DYNC1I2: variants seen among roughly 807,000 people sequenced by gnomAD.
The protein encoded by DYNC1I2 is cytoplasmic dynein 1 intermediate chain 2.
A neutral mutation model predicts 88.6 loss-of-function variants in DYNC1I2; 53 were observed. The observed-to-expected ratio is 0.60, with a 90% CI of 0.48 to 0.75. DYNC1I2 has a LOEUF of 0.75. Among genes scored for constraint, DYNC1I2 ranks in the 30% least tolerant of loss-of-function variants. The probability of loss-of-function intolerance (pLI) is 0.00; values close to 1 mark genes in which losing one functional copy is unlikely to be tolerated. For synonymous variants in DYNC1I2, 198 were observed against 254.6 expected, an observed-to-expected ratio of 0.78 and a Z score of 2.12; for missense variants, 458 against 766.6, an observed-to-expected ratio of 0.60 and a Z score of 4.75.
rs749994998 is a variant in DYNC1I2 at position 171,701,228 on chromosome 2, C to T, written c.227-5319C>T. ...GGAGACGGAGTCTTGCTCTCTCTCCCGGGCTGGAGTGCAGTGGCACGATCT... is the reference window on the plus strand; with the variant it reads ...GGAGACGGAGTCTTGCTCTCTCTCCTGGGCTGGAGTGCAGTGGCACGATCT... On this transcript the variant is annotated intron_variant, in intron 3 of 17. Coordinates refer to ENST00000397119, the MANE Select transcript of DYNC1I2 (RefSeq NM_001378.3). 1.8e-4 allele frequency among the ~76,000 whole-genome samples: 27 copies of T among 152,262 alleles called. No homozygotes were observed. The South Asian group carries it at 2.7e-3, about 15-fold the overall frequency.
intron 7 of DYNC1I2, among the ~76,000 whole-genome samples, chr2:171,721,881 A>G (rs1190306593): frequency 1.3e-5 from 2 of 152,208 alleles, no homozygotes; most frequent in Admixed American, 1.3e-4. Context: ...TTGAGATTTA[A>G]TCATTAAAAG....
intron 2 of DYNC1I2, among the ~76,000 whole-genome samples, 191 bp from the exon 3 acceptor site, chr2:171,692,586 A>G (rs1336914395): frequency 6.6e-6 from 1 of 152,170 alleles, no homozygotes; most frequent in Admixed American, 6.5e-5. Context: ...AGTACATATC[A>G]TTTGAAGGTT....
Position 171,719,260 on chromosome 2 carries a change from T to C in DYNC1I2, c.511+3817T>C, listed in dbSNP as rs568140837. 5.9e-5 allele frequency among the ~76,000 whole-genome samples: 9 copies of C among 152,240 alleles called. No homozygotes were observed. The South Asian group carries it at 1.5e-3, about 25-fold the overall frequency. On this transcript the variant is annotated intron_variant, in intron 7 of 17. Coordinates refer to ENST00000397119, the MANE Select transcript of DYNC1I2 (RefSeq NM_001378.3). Reference sequence around the variant, plus strand: ...AATGAGATATTTGGGCAGTATCCTTTGGGGGAAAAAATGAGATAATTTGTT... The same window carrying C: ...AATGAGATATTTGGGCAGTATCCTTCGGGGGAAAAAATGAGATAATTTGTT...
chr2:171,744,180 T>C lies in DYNC1I2; in HGVS notation c.1668T>C (p.Asn556=), dbSNP rs1443214286. ...MGRLDLWNLN[N]DTEVPTASIS... ...GATTGGATTTGTGGAATCTCAATAA[T>C]GACACAGAGGTGAGCAGGAAAATAA... is the stretch of plus-strand genomic sequence containing the variant. Residue 556 remains asparagine (N), a synonymous_variant, in exon 16 of 18, where the codon AAT becomes AAC. Transcript: ENST00000397119. The C allele has an allele frequency of 6.2e-7, 1 of 1,607,812 alleles. No individual in the cohort carries two copies. Among genetic ancestry groups the C allele is most frequent in the East Asian group, 2.2e-5 (1 of 44,700 alleles).
chr2:171,700,044 G>C (rs566409677), intron 3 of DYNC1I2, among the ~76,000 whole-genome samples: 1 of 152,208 alleles, frequency 6.6e-6, no homozygotes, highest in African/African-American at 2.4e-5. Flanking sequence ...GCTTAGCTAG[G>C]TGGTTCTGGC....
In DYNC1I2 at chr2:171,748,281, C is replaced by G. The variant is rs1418720681; in HGVS notation, c.*392C>G. 1 of 156,070 alleles carries G rather than the reference C, an allele frequency of 6.4e-6. No individual in the cohort carries two copies. Among genetic ancestry groups the G allele is most frequent in the Non-Finnish European group, 1.4e-5 (1 of 71,378 alleles). The allele number at this position is 156,070 out of a possible 1,614,324, so 9.7% of individuals were successfully genotyped here. On this transcript the variant is annotated 3_prime_UTR_variant, in exon 18 of 18. Transcript: ENST00000397119. ...TTATACAGATAATGTTCTCACTACC[C>G]ATAATATGTAGGAACATTGTTTCTC...
At chr2:171,739,177 A>G (rs991896408) in intron 15 of DYNC1I2, among the ~76,000 whole-genome samples, 2 of 151,932 alleles carry the variant, frequency 1.3e-5, no homozygotes, top group Non-Finnish European at 2.9e-5. Flanking sequence ...GGAGAGTGAC[A>G]GATAGTGATT....
intron 7 of DYNC1I2, among the ~76,000 whole-genome samples, chr2:171,718,881 A>G (rs1327525217): frequency 6.7e-6 from 1 of 149,052 alleles, no homozygotes; most frequent in Non-Finnish European, 1.5e-5. Context: ...GTTTACACAC[A>G]AAGAAGCTGA....
chr2:171,690,204 C>T lies in DYNC1I2; in HGVS notation c.49C>T (p.Arg17Ter), dbSNP rs540814246. The part of the protein sequence containing the change: ...LKAELERKKQ[R>*]LAQIREEKKR... ...GGCTGAGTTGGAACGTAAGAAGCAG[C>T]GACTGGCCCAAATCAGAGAGGAAAA... is the stretch of plus-strand genomic sequence containing the variant. The change falls in exon 2 of 18, where the codon CGA becomes TGA. Residue 17 changes from arginine (R) to a stop codon, truncating the protein, a stop_gained. Coordinates refer to ENST00000397119, the MANE Select transcript of DYNC1I2 (RefSeq NM_001378.3). LOFTEE classifies it high-confidence loss of function. The T allele has an allele frequency of 4.5e-6, 7 of 1,549,688 alleles. No individual in the cohort carries two copies. Among genetic ancestry groups the T allele is most frequent in the Non-Finnish European group, 1.7e-6 (2 of 1,147,110 alleles).
chr2:171,706,565 G>A lies in DYNC1I2; in HGVS notation c.244+1G>A, dbSNP rs374523071. On this transcript the variant is annotated splice_donor_variant, in intron 4 of 17. Transcript: ENST00000397119. LOFTEE classifies it high-confidence loss of function. ...ACTTCAGTTTTTTCTGAATACTGGG[G>A]TAAGGAAGTTCCCATAAGTCTTGCC... 9 of 1,611,828 alleles carry A rather than the reference G, an allele frequency of 5.6e-6. No individual in the cohort carries two copies. In the African/African-American group the frequency reaches 6.7e-5, roughly 12 times the overall value.
intron 5 of DYNC1I2, among the ~76,000 whole-genome samples, chr2:171,712,039 G>A (rs1317970813): frequency 6.6e-6 from 1 of 152,176 alleles, no homozygotes; most frequent in Non-Finnish European, 1.5e-5. Flanking sequence ...GCCAGCAGGC[G>A]ATGCTAAAAC....
At chr2:171,707,254 T>G in intron 4 of DYNC1I2, 33 bp from the exon 5 acceptor site, 1 of 1,613,734 alleles carries the variant, frequency 6.2e-7, no homozygotes, top group East Asian at 2.2e-5. Flanking sequence ...CTCCGTGTAG[T>G]AACAGCGGAT....
intron 15 of DYNC1I2, among the ~76,000 whole-genome samples, chr2:171,737,687 T>C (rs12692970): frequency 0.29 from 44,136 of 152,106 alleles, 6,698 homozygotes; most frequent in African/African-American, 0.38. Flanking sequence ...CCAAAGTGGT[T>C]GGGTTATAGT....
At chr2:171,740,853 G>A (rs1168740836) in intron 15 of DYNC1I2, among the ~76,000 whole-genome samples, 1 of 151,962 alleles carries the variant, frequency 6.6e-6, no homozygotes, top group East Asian at 1.9e-4. Context: ...CAATTCAGTG[G>A]TTCTTAGTAT....
At chr2:171,725,576 CTGTTTTTT>C (rs777928210) in intron 7 of DYNC1I2, 34 bp from the exon 8 acceptor site, 136 of 1,175,764 alleles carry the variant, frequency 1.2e-4, no homozygotes, top group South Asian at 2.0e-4. Flanking sequence ...TTATATCATT[CTGTTTTTT>C]TGTTTTTTTG....
chr2:171,719,852 A>T, intron 7 of DYNC1I2, among the ~76,000 whole-genome samples: 1 of 152,200 alleles, frequency 6.6e-6, no homozygotes, highest in East Asian at 1.9e-4. Context: ...TGTGAATGAA[A>T]TTGACTAGCA....
chr2:171,749,598 CATAAT>C lies in DYNC1I2; in HGVS notation c.*1710_*1714del, dbSNP rs1435444467. 6.6e-6 allele frequency among the ~76,000 whole-genome samples: 1 copy of C among 152,068 alleles called. No individual in the cohort carries two copies. Among genetic ancestry groups the C allele is most frequent in the Non-Finnish European group, 1.5e-5 (1 of 67,968 alleles). On this transcript the variant is annotated 3_prime_UTR_variant, in exon 18 of 18. Transcript: ENST00000397119. ...AAAGTAGGGAAAACAAGTGTTAAAACATAATGGATAAGAAAAGGTTGGAAATCATA... is the reference window on the plus strand; with the variant it reads ...AAAGTAGGGAAAACAAGTGTTAAAACGGATAAGAAAAGGTTGGAAATCATA...
At chr2:171,734,483 A>C (rs775914569) in intron 15 of DYNC1I2, among the ~76,000 whole-genome samples, 3 of 152,186 alleles carry the variant, frequency 2.0e-5, no homozygotes, top group Non-Finnish European at 4.4e-5. Context: ...TAGGCTAGGC[A>C]TTGCTTCCTT....
At chr2:171,701,890 C>T (rs1686290134) in intron 3 of DYNC1I2, among the ~76,000 whole-genome samples, 1 of 152,100 alleles carries the variant, frequency 6.6e-6, no homozygotes, top group South Asian at 2.1e-4. Flanking sequence ...TAAATATTAG[C>T]TTATCTGTTG....
Sources: gnomAD v4.1 joint callset for allele counts (sites outside exome capture counted in the v4.1 genomes callset) on GRCh38, gnomAD v4.1.1 for gene constraint, MANE v1.5 for transcripts, NCBI Gene and HGNC (gene_info 2026-07-23, HGNC 2026-07-21) for gene names.